The following CADPS variants were observed in gnomAD, a reference collection of about 807,000 sequenced individuals.
The protein encoded by CADPS is calcium-dependent secretion activator 1.
Under a neutral mutation model 167.3 loss-of-function variants are expected in CADPS, and 57 were observed. The observed-to-expected ratio is 0.34, with a 90% CI of 0.28 to 0.42. CADPS has a LOEUF of 0.42. Among genes scored for constraint, CADPS ranks in the 20% least tolerant of loss-of-function variants. The pLI, the probability that CADPS is intolerant of heterozygous loss-of-function variation, is 1.00. For missense variants in CADPS, 1,414 were observed against 1,738.1 expected (o/e 0.81, Z 3.32); for synonymous variants, 676 against 635.3 (o/e 1.06, Z -0.96).
chr3:62,871,611 TAAC>T (rs1298763995), intron 1 of CADPS, among the ~76,000 whole-genome samples: 2 of 152,224 alleles, frequency 1.3e-5, no homozygotes, highest in South Asian at 2.1e-4. Flanking sequence ...TTTAGGCAAA[TAAC>T]AAAATTTCCA....
At position 62,734,461 on chromosome 3, in the gene CADPS, C is replaced by T. The variant is rs2078582804; in HGVS notation, c.888+18980G>A. On this transcript the variant is annotated intron_variant, in intron 3 of 29. Coordinates refer to ENST00000383710, the MANE Select transcript of CADPS (RefSeq NM_003716.4). ...TTTTAAATCAGTACTTACCCAGTGCCCCCTCCTTTTCCCTCTGAAGTAGCC... is the reference window on the plus strand; with the variant it reads ...TTTTAAATCAGTACTTACCCAGTGCTCCCTCCTTTTCCCTCTGAAGTAGCC... Among the ~76,000 whole-genome samples the T allele has an allele frequency of 2.6e-5, 4 of 152,076 alleles. No individual in the cohort carries two copies. The South Asian group carries it at 8.3e-4, about 32-fold the overall frequency.
intron 28 of CADPS, among the ~76,000 whole-genome samples, chr3:62,426,883 C>T (rs557731057): frequency 2.7e-5 from 4 of 147,920 alleles, no homozygotes; most frequent in African/African-American, 5.0e-5. Flanking sequence ...CTGGCTAACA[C>T]GATGAAACCC....
At chr3:62,415,647 G>C (rs2049916208) in intron 28 of CADPS, among the ~76,000 whole-genome samples, 1 of 152,198 alleles carries the variant, frequency 6.6e-6, no homozygotes. Context: ...CAAGAAACCT[G>C]TGACTCTGCC....
intron 3 of CADPS, among the ~76,000 whole-genome samples, chr3:62,680,217 AT>A (rs35723123): frequency 0.73 from 111,354 of 151,764 alleles, 41,246 homozygotes; most frequent in East Asian, 0.95. Flanking sequence ...TGAGTCAGCC[AT>A]TTGGAAATTC....
At chr3:62,560,689 T>C (rs2078996425) in intron 9 of CADPS, among the ~76,000 whole-genome samples, 1 of 152,222 alleles carries the variant, frequency 6.6e-6, no homozygotes, top group Non-Finnish European at 1.5e-5. Context: ...GGTTTTATTT[T>C]AAAGCTGGCT....
At chr3:62,757,475 G>A (rs955448280) in intron 2 of CADPS, among the ~76,000 whole-genome samples, 1 of 152,100 alleles carries the variant, frequency 6.6e-6, no homozygotes, top group Non-Finnish European at 1.5e-5. Flanking sequence ...TGGAATGAGT[G>A]AATGAACTAT....
At chr3:62,648,471 C>T (rs2069107570) in intron 5 of CADPS, among the ~76,000 whole-genome samples, 1 of 151,584 alleles carries the variant, frequency 6.6e-6, no homozygotes, top group Non-Finnish European at 1.5e-5. Flanking sequence ...GGCATGAGTC[C>T]AGGAGTTGAA....
chr3:62,790,898 A>C (rs1323123293), intron 1 of CADPS, among the ~76,000 whole-genome samples: 1 of 152,116 alleles, frequency 6.6e-6, no homozygotes, highest in East Asian at 1.9e-4. Context: ...GAATATTTTC[A>C]ATAAAGTTCT....
chr3:62,437,743 G>C (rs764671129), intron 28 of CADPS, among the ~76,000 whole-genome samples: 3 of 152,180 alleles, frequency 2.0e-5, no homozygotes, highest in Non-Finnish European at 4.4e-5. Context: ...CAGCCTCCCT[G>C]ATGAGAATAT....
chr3:62,867,678 T>C (rs1054173052), intron 1 of CADPS, among the ~76,000 whole-genome samples: 3 of 152,088 alleles, frequency 2.0e-5, no homozygotes, highest in Non-Finnish European at 4.4e-5. Flanking sequence ...ATAAGGCTTG[T>C]GATGGCTAGT....
intron 18 of CADPS, among the ~76,000 whole-genome samples, chr3:62,497,201 A>G (rs577595992): frequency 5.3e-5 from 8 of 152,324 alleles, no homozygotes; most frequent in African/African-American, 1.2e-4. Context: ...AGCAATTTAG[A>G]AAAATATACA....
In CADPS at chr3:62,645,689, C is replaced by G. The variant is rs531807699; in HGVS notation, c.1325+33G>C. ...AAATGGAACTAATGGCAGCAACCCT[C>G]TATAAGATGGACCCTGGAGAAACAT... On this transcript the variant is annotated intron_variant, in intron 6 of 29. Coordinates refer to ENST00000383710, the MANE Select transcript of CADPS (RefSeq NM_003716.4). 1.4e-5 allele frequency: 22 copies of G among 1,612,256 alleles called. No homozygotes were observed. In the East Asian group the frequency reaches 4.7e-4, roughly 34 times the overall value.
chr3:62,794,183 A>G (rs1441933686), intron 1 of CADPS, among the ~76,000 whole-genome samples: 1 of 152,196 alleles, frequency 6.6e-6, no homozygotes, highest in East Asian at 1.9e-4. Flanking sequence ...GCCAGTGACT[A>G]CTAACCATGA....
intron 21 of CADPS, among the ~76,000 whole-genome samples, chr3:62,484,125 C>T (rs1448016602): frequency 6.6e-6 from 1 of 152,076 alleles, no homozygotes; most frequent in Non-Finnish European, 1.5e-5. Flanking sequence ...GACTACTGCA[C>T]TGGACTCATA....
chr3:62,471,665 G>A (rs73092135), intron 24 of CADPS, among the ~76,000 whole-genome samples: 535 of 152,236 alleles, frequency 3.5e-3, no homozygotes, highest in Non-Finnish European at 6.3e-3. Flanking sequence ...TGAGGAGAAG[G>A]CAAGACCAGT....
At chr3:62,485,753 T>C (rs1431089268) in intron 21 of CADPS, among the ~76,000 whole-genome samples, 5 of 152,320 alleles carry the variant, frequency 3.3e-5, no homozygotes, top group Admixed American at 2.0e-4. Flanking sequence ...GGCCCTGTTA[T>C]AGGTGTTAGG....
chr3:62,742,421 A>G lies in CADPS; in HGVS notation c.888+11020T>C, dbSNP rs149026294. On this transcript the variant is annotated intron_variant, in intron 3 of 29. Coordinates refer to ENST00000383710, the MANE Select transcript of CADPS (RefSeq NM_003716.4). ...CCAAAACAGCATTGTACTTGTAGAAAAACAGACACAAAGATGAATGGAACA... is the reference window on the plus strand; with the variant it reads ...CCAAAACAGCATTGTACTTGTAGAAGAACAGACACAAAGATGAATGGAACA... Among the ~76,000 whole-genome samples the G allele has an allele frequency of 5.9e-3, 898 of 152,316 alleles. 9 individuals are homozygous for G. The highest frequency in any genetic ancestry group is 0.021 in the African/African-American group (873 of 41,574).
intron 13 of CADPS, among the ~76,000 whole-genome samples, chr3:62,524,804 A>G (rs557104012): frequency 6.6e-6 from 1 of 152,356 alleles, no homozygotes; most frequent in East Asian, 1.9e-4. Flanking sequence ...TCAGATGATT[A>G]GAGAAATTGT....
chr3:62,769,673 A>G (rs994446800), intron 1 of CADPS, among the ~76,000 whole-genome samples: 8 of 152,058 alleles, frequency 5.3e-5, no homozygotes, highest in African/African-American at 1.9e-4. Flanking sequence ...TTTTCTCAGC[A>G]TTTTGTTCAC....
Sources: allele counts gnomAD v4.1 joint callset (sites outside exome capture counted in the v4.1 genomes callset), GRCh38; gene constraint gnomAD v4.1.1; transcripts MANE v1.5; gene names NCBI Gene and HGNC (gene_info 2026-07-23, HGNC 2026-07-21).